Variants in CEP112 observed in about 807,000 individuals in gnomAD.
CEP112 encodes the protein centrosomal protein of 112 kDa.
A neutral mutation model predicts 153.0 loss-of-function variants in CEP112; 127 were observed. The ratio of observed to expected loss-of-function variants is 0.83; its 90% CI spans 0.72 to 0.96. CEP112 has a LOEUF of 0.96. Among genes scored for constraint, CEP112 ranks in the 40% least tolerant of loss-of-function variants. The pLI is 0.00. For missense variants in CEP112, 1,089 were observed against 1,101.2 expected (o/e 0.99, Z 0.16); for synonymous variants, 358 against 374.4 (o/e 0.96, Z 0.51).
At chr17:65,826,495 A>G (rs2056846396) in intron 21 of CEP112, 2 of 1,431,182 alleles carry the variant, frequency 1.4e-6, no homozygotes, top group Admixed American at 3.0e-5. Flanking sequence ...GAGGTGAGAT[A>G]GTGACATCAC....
chr17:65,729,585 T>C (rs918274117), intron 23 of CEP112, among the ~76,000 whole-genome samples: 5 of 152,174 alleles, frequency 3.3e-5, no homozygotes, highest in African/African-American at 9.6e-5. Context: ...TTATTAAAGA[T>C]TAACAATGTC....
At chr17:66,171,187 A>G (rs2072228358) in intron 4 of CEP112, among the ~76,000 whole-genome samples, 1 of 152,182 alleles carries the variant, frequency 6.6e-6, no homozygotes, top group African/African-American at 2.4e-5. Flanking sequence ...CTGCATCTTT[A>G]ATAATATAAA....
At chr17:66,102,523 C>T (rs2068604082) in intron 6 of CEP112, among the ~76,000 whole-genome samples, 1 of 152,010 alleles carries the variant, frequency 6.6e-6, no homozygotes, top group Non-Finnish European at 1.5e-5. Flanking sequence ...TCAGGCCAGG[C>T]ATGGTGGCTC....
chr17:65,846,494 T>A (rs2057729098), intron 21 of CEP112, among the ~76,000 whole-genome samples: 4 of 152,238 alleles, frequency 2.6e-5, no homozygotes. Flanking sequence ...GATAAATCAA[T>A]AACAGTTTAT....
At chr17:65,845,274 G>A (rs934978255) in intron 21 of CEP112, among the ~76,000 whole-genome samples, 2 of 152,120 alleles carry the variant, frequency 1.3e-5, no homozygotes, top group Non-Finnish European at 2.9e-5. Context: ...AGTCGAGATT[G>A]TACCATTGCA....
At chr17:66,126,633 G>A (rs1228619728) in intron 6 of CEP112, among the ~76,000 whole-genome samples, 1 of 151,958 alleles carries the variant, frequency 6.6e-6, no homozygotes, top group Non-Finnish European at 1.5e-5. Flanking sequence ...ATCATTGCTA[G>A]TTTTTAATAA....
chr17:66,072,238 A>G (rs937637003), intron 8 of CEP112, among the ~76,000 whole-genome samples: 5 of 152,186 alleles, frequency 3.3e-5, no homozygotes, highest in African/African-American at 1.2e-4. Context: ...TAGAACAAGA[A>G]CACTGTCTTT....
chr17:65,971,556 A>T (rs1048568721), intron 17 of CEP112, among the ~76,000 whole-genome samples: 1 of 151,874 alleles, frequency 6.6e-6, no homozygotes. Context: ...TGTATGTTAC[A>T]TGTGTGTTGT....
chr17:65,905,194 AATCT>A lies in CEP112; in HGVS notation c.1981-2864_1981-2861del, dbSNP rs565730410. ...ATACAGAATGGGAGAAAATTTTTGC[AATCT>A]ATCTATCTGAGAAAGGGTTAATATC... On this transcript the variant is annotated intron_variant, in intron 19 of 26. Transcript: ENST00000535342. 4.5e-4 allele frequency among the ~76,000 whole-genome samples: 68 copies of A among 152,350 alleles called. No individual in the cohort carries two copies. The East Asian group carries it at 0.012, about 27-fold the overall frequency.
intron 6 of CEP112, among the ~76,000 whole-genome samples, chr17:66,114,090 A>G (rs1386434025): frequency 6.6e-6 from 1 of 152,248 alleles, no homozygotes; most frequent in Non-Finnish European, 1.5e-5. Flanking sequence ...CGAAGAAAAT[A>G]TTGTATAGAA....
At chr17:65,872,269 T>C (rs551040375) in intron 20 of CEP112, among the ~76,000 whole-genome samples, 1 of 152,148 alleles carries the variant, frequency 6.6e-6, no homozygotes, top group South Asian at 2.1e-4. Context: ...TATTCTTAAA[T>C]AAATTCAAGT....
intron 4 of CEP112, among the ~76,000 whole-genome samples, chr17:66,136,112 C>T (rs189030562): frequency 8.5e-5 from 13 of 152,268 alleles, no homozygotes; most frequent in African/African-American, 2.9e-4. Context: ...AATCCTCTTG[C>T]GCCATAAGCA....
At chr17:66,008,429 C>T (rs537516732) in intron 16 of CEP112, among the ~76,000 whole-genome samples, 1 of 152,228 alleles carries the variant, frequency 6.6e-6, no homozygotes, top group Admixed American at 6.5e-5. Flanking sequence ...TGGTAGCTCA[C>T]TGTAACCTCA....
At chr17:66,173,205 T>A (rs972715366) in intron 4 of CEP112, among the ~76,000 whole-genome samples, 2 of 152,160 alleles carry the variant, frequency 1.3e-5, no homozygotes, top group Non-Finnish European at 2.9e-5. Flanking sequence ...ACAGATGCAA[T>A]AGACATCAAA....
At chr17:65,776,280 G>A (rs1007780818) in intron 21 of CEP112, among the ~76,000 whole-genome samples, 1 of 152,148 alleles carries the variant, frequency 6.6e-6, no homozygotes, top group African/African-American at 2.4e-5. Context: ...TGTCGCCCAG[G>A]CTGGAGTGCA....
At chr17:66,066,150 G>A (rs1359395754) in intron 10 of CEP112, among the ~76,000 whole-genome samples, 2 of 151,872 alleles carry the variant, frequency 1.3e-5, no homozygotes, top group Non-Finnish European at 2.9e-5. Context: ...TAGATGTTTC[G>A]ACCCATAATC....
intron 16 of CEP112, among the ~76,000 whole-genome samples, chr17:66,006,898 A>T (rs2064300472): frequency 6.6e-6 from 1 of 152,212 alleles, no homozygotes; most frequent in Non-Finnish European, 1.5e-5. Context: ...CAGGTTTAAG[A>T]GAGAAACGAC....
intron 8 of CEP112, among the ~76,000 whole-genome samples, chr17:66,077,578 C>A (rs192144841): frequency 6.6e-6 from 1 of 152,140 alleles, no homozygotes; most frequent in Non-Finnish European, 1.5e-5. Flanking sequence ...AACAACCAAA[C>A]CTAAGAACAA....
chr17:66,065,682 T>G (rs990300854), intron 10 of CEP112, among the ~76,000 whole-genome samples: 18 of 150,348 alleles, frequency 1.2e-4, no homozygotes, highest in African/African-American at 3.9e-4. Context: ...CAGGCTGGAG[T>G]GCAGTGGCAC....
Sources: allele counts gnomAD v4.1 joint callset (sites outside exome capture counted in the v4.1 genomes callset), GRCh38; gene constraint gnomAD v4.1.1; transcripts MANE v1.5; gene names NCBI Gene and HGNC (gene_info 2026-07-23, HGNC 2026-07-21).